EXPH5: variants seen among roughly 807,000 people sequenced by gnomAD.
The protein encoded by EXPH5 is exophilin 5.
EXPH5 carries 42 observed loss-of-function variants against 41.1 expected under a neutral mutation model. The ratio of observed to expected loss-of-function variants is 1.02; its 90% CI spans 0.80 to 1.32. EXPH5 has a LOEUF of 1.32. Among genes scored for constraint, EXPH5 ranks in the 40% most tolerant of loss-of-function variants. The pLI is 0.00. For synonymous variants in EXPH5, 798 were observed against 833.5 expected (o/e 0.96, Z 0.73); for missense variants, 2,298 against 2,314.5 (o/e 0.99, Z 0.15).
Position 108,577,040 on chromosome 11 carries a change from A to T in EXPH5, c.119+16378T>A, listed in dbSNP as rs187497893. 2.0e-5 allele frequency among the ~76,000 whole-genome samples: 3 copies of T among 152,308 alleles called. No individual in the cohort carries two copies. The East Asian group carries it at 5.8e-4, about 29-fold the overall frequency. Reference sequence around the variant, plus strand: ...AATATAATATCTTCCAGTTCCATCTATATTGTTGCAAATCATAGGATTTAG... The same window carrying T: ...AATATAATATCTTCCAGTTCCATCTTTATTGTTGCAAATCATAGGATTTAG... On this transcript the variant is annotated intron_variant, in intron 1 of 5. Transcript: ENST00000265843.
chr11:108,546,959 C>T (rs576823707), intron 1 of EXPH5, among the ~76,000 whole-genome samples: 33 of 149,576 alleles, frequency 2.2e-4, no homozygotes, highest in Admixed American at 3.3e-4. Context: ...CGTGCCACCA[C>T]GCCCAGCTAA....
chr11:108,602,719 C>T, the EXPH5 span, among the ~76,000 whole-genome samples: 1 of 152,178 alleles, frequency 6.6e-6, no homozygotes, highest in East Asian at 1.9e-4. Context: ...CCATCTAAAA[C>T]TGTCTTTAAC....
Position 108,528,175 on chromosome 11 carries a change from G to A in EXPH5, c.453C>T (p.Gly151=). 1.2e-6 allele frequency: 2 copies of A among 1,609,108 alleles called. No homozygotes were observed. Among genetic ancestry groups the A allele is most frequent in the Non-Finnish European group, 1.7e-6 (2 of 1,175,600 alleles). The change falls in exon 4 of 6, where the codon GGC becomes GGT. Residue 151 remains glycine (G), a synonymous_variant. Coordinates refer to ENST00000265843, the MANE Select transcript of EXPH5 (RefSeq NM_015065.3). ...LPSLGQKGCD[G]HAGPPMPVRG... is the part of the protein sequence containing the mutation. ...TCACAGGCATAGGAGGTCCTGCATG[G>A]CCATCACATCTGTGGAAATAATTTG... is the stretch of plus-strand genomic sequence containing the variant.
intron 3 of EXPH5, among the ~76,000 whole-genome samples, chr11:108,538,602 A>G (rs979266372): frequency 6.6e-6 from 1 of 151,916 alleles, no homozygotes; most frequent in Admixed American, 6.6e-5. Context: ...ATTTTCTCTC[A>G]TCTAGTCGTT....
At position 108,511,886 on chromosome 11, in the gene EXPH5, A is replaced by G. The variant is rs757546624; in HGVS notation, c.3621T>C (p.Asn1207=). Residue 1207 remains asparagine (N), a synonymous_variant, in exon 6 of 6, where the codon AAT becomes AAC. Transcript: ENST00000265843. The part of the protein sequence containing the change: ...ASRRSVFALS[N]EDPLPFCSDL... ...CTGAGCAAAAAGGTAAAGGGTCTTC[A>G]TTTGAAAGAGCAAATACACTTCTCC... The G allele has an allele frequency of 1.3e-6, 2 of 1,588,332 alleles. No individual in the cohort carries two copies. The highest frequency in any genetic ancestry group is 2.3e-5 in the South Asian group (2 of 85,662).
chr11:108,584,629 AT>A (rs1490706612), intron 1 of EXPH5, among the ~76,000 whole-genome samples: 1 of 152,174 alleles, frequency 6.6e-6, no homozygotes, highest in African/African-American at 2.4e-5. Flanking sequence ...AATATAGCAA[AT>A]TTTTTACAAA....
intron 1 of EXPH5, among the ~76,000 whole-genome samples, chr11:108,558,383 C>T (rs927412262): frequency 6.6e-6 from 1 of 152,228 alleles, no homozygotes; most frequent in African/African-American, 2.4e-5. Context: ...GCCATCGCAT[C>T]AGACTTCCCA....
chr11:108,538,143 A>G, intron 3 of EXPH5: 1 of 985,514 alleles, frequency 1.0e-6, no homozygotes, highest in Non-Finnish European at 1.2e-6. Flanking sequence ...GCCTCATCAC[A>G]CAACCCACCA....
chr11:108,602,787 T>TA, the EXPH5 span, among the ~76,000 whole-genome samples: 1 of 152,218 alleles, frequency 6.6e-6, no homozygotes, highest in South Asian at 2.1e-4. Flanking sequence ...ACCCAATACT[T>TA]ACTGCAAATA....
At chr11:108,558,729 A>C (rs2093999974) in intron 1 of EXPH5, among the ~76,000 whole-genome samples, 1 of 152,232 alleles carries the variant, frequency 6.6e-6, no homozygotes, top group Non-Finnish European at 1.5e-5. Context: ...CATTTCTAGT[A>C]CCTTCATGCT....
At chr11:108,591,017 A>G (rs1276261424) in intron 1 of EXPH5, among the ~76,000 whole-genome samples, 3 of 152,180 alleles carry the variant, frequency 2.0e-5, no homozygotes, top group Admixed American at 1.3e-4. Flanking sequence ...TATCATAGAT[A>G]TAAATGAACT....
In EXPH5 at chr11:108,517,553, A is replaced by G. The variant is rs144802061; in HGVS notation, c.631+682T>C. ...GGCTTATATAGAATAACCTTTGTAA[A>G]AGTAAACTATGATCATATAATAAGA... On this transcript the variant is annotated intron_variant, in intron 5 of 5. Coordinates refer to ENST00000265843, the MANE Select transcript of EXPH5 (RefSeq NM_015065.3). Among the ~76,000 whole-genome samples, 836 of 152,372 alleles carry G rather than the reference A, an allele frequency of 5.5e-3. 5 individuals carry two copies. The highest frequency in any genetic ancestry group is 9.0e-3 in the Non-Finnish European group (614 of 68,040).
intron 4 of EXPH5, among the ~76,000 whole-genome samples, chr11:108,518,782 AG>A (rs2093744795): frequency 6.6e-6 from 1 of 152,202 alleles, no homozygotes; most frequent in South Asian, 2.1e-4. Context: ...GGTCGGCACG[AG>A]GTACAGGTCA....
intron 1 of EXPH5, among the ~76,000 whole-genome samples, chr11:108,567,084 C>G (rs2094037932): frequency 6.6e-6 from 1 of 152,184 alleles, no homozygotes; most frequent in Non-Finnish European, 1.5e-5. Context: ...ATCTCACTCT[C>G]TATGTGCAAG....
chr11:108,543,343 C>A (rs1458647587), intron 1 of EXPH5, among the ~76,000 whole-genome samples: 1 of 152,094 alleles, frequency 6.6e-6, no homozygotes, highest in Non-Finnish European at 1.5e-5. Context: ...TTAAGGAAGA[C>A]CCTAGAACTG....
At chr11:108,562,231 T>C (rs1164069205) in intron 1 of EXPH5, among the ~76,000 whole-genome samples, 1 of 151,396 alleles carries the variant, frequency 6.6e-6, no homozygotes, top group African/African-American at 2.4e-5. Context: ...TCAATAAAAC[T>C]GACTTTGCTT....
At chr11:108,576,401 G>A (rs61703839) in intron 1 of EXPH5, among the ~76,000 whole-genome samples, 13,203 of 152,076 alleles carry the variant, frequency 0.087, 593 homozygotes, top group Middle Eastern at 0.12. Context: ...GGGGAGGTGG[G>A]AATGAAGAGT....
chr11:108,521,928 A>G (rs916065055), intron 4 of EXPH5, among the ~76,000 whole-genome samples: 1 of 152,208 alleles, frequency 6.6e-6, no homozygotes, highest in African/African-American at 2.4e-5. Flanking sequence ...GATAATATAC[A>G]GTGAAATGAA....
intron 1 of EXPH5, chr11:108,567,792 G>A (rs980353725): frequency 5.3e-5 from 8 of 152,198 alleles, no homozygotes; most frequent in Admixed American, 5.2e-4. Flanking sequence ...TGTGCCTGCT[G>A]AAGATCTTAT....
Sources: allele counts gnomAD v4.1 joint callset (sites outside exome capture counted in the v4.1 genomes callset), GRCh38; gene constraint gnomAD v4.1.1; transcripts MANE v1.5; gene names NCBI Gene and HGNC (gene_info 2026-07-23, HGNC 2026-07-21).